Variants in FGD6 observed in about 807,000 individuals in gnomAD.
FGD6 encodes FYVE, RhoGEF and PH domain-containing protein 6.
In FGD6, 90 loss-of-function variants were observed where a neutral mutation model predicts 149.4. The observed-to-expected ratio is 0.60, with a 90% CI of 0.51 to 0.72. The LOEUF is 0.72. Among genes scored for constraint, FGD6 ranks in the 30% least tolerant of loss-of-function variants. The pLI is 0.00. For missense variants in FGD6, 1,437 were observed against 1,684.8 expected (o/e 0.85, Z 2.57); for synonymous variants, 527 against 584.0 (o/e 0.90, Z 1.41).
At chr12:95,193,631 C>CGATT in intron 2 of FGD6, among the ~76,000 whole-genome samples, 1 of 151,248 alleles carries the variant, frequency 6.6e-6, no homozygotes, top group South Asian at 2.1e-4. Context: ...TGGGTTCAAG[C>CGATT]GATTCTCTTG....
intron 2 of FGD6, among the ~76,000 whole-genome samples, chr12:95,192,006 G>A (rs763549969): frequency 5.6e-4 from 85 of 152,220 alleles, no homozygotes; most frequent in South Asian, 1.0e-3. Flanking sequence ...AGGATTACAG[G>A]CATGAGCCAC....
chr12:95,150,672 G>A (rs182589146), intron 5 of FGD6, among the ~76,000 whole-genome samples: 27 of 151,906 alleles, frequency 1.8e-4, no homozygotes, highest in African/African-American at 6.5e-4. Context: ...GTGCAGTGGT[G>A]CAATCAGCTC....
At chr12:95,160,961 C>G (rs902889875) in intron 3 of FGD6, among the ~76,000 whole-genome samples, 1 of 152,090 alleles carries the variant, frequency 6.6e-6, no homozygotes, top group Non-Finnish European at 1.5e-5. Flanking sequence ...AGCCGGATCA[C>G]TTGAGGTCAG....
intron 18 of FGD6, among the ~76,000 whole-genome samples, chr12:95,089,108 A>G (rs1877968535): frequency 6.6e-6 from 1 of 152,220 alleles, no homozygotes; most frequent in African/African-American, 2.4e-5. Flanking sequence ...CATACAGGCT[A>G]TTATCACTAT....
chr12:95,086,006 T>C lies in FGD6; in HGVS notation c.3979-98A>G, dbSNP rs891065624. ...TAGGTGCTGAAAGCAATAACTGTAA[T>C]GATAGAATGTTTCAGAATGAAATAT... On this transcript the variant is annotated intron_variant, in intron 18 of 20. Coordinates refer to ENST00000343958, the MANE Select transcript of FGD6 (RefSeq NM_018351.4). The C allele has an allele frequency of 3.4e-6, 4 of 1,161,284 alleles. No homozygotes were observed. The African/African-American group carries it at 6.2e-5, about 18-fold the overall frequency. 71.9% of individuals were successfully genotyped at this position (1,161,284 alleles called of 1,614,324 possible).
At chr12:95,206,772 G>A (rs1592877479) in intron 2 of FGD6, among the ~76,000 whole-genome samples, 1 of 152,080 alleles carries the variant, frequency 6.6e-6, no homozygotes. Context: ...TAATATTCAG[G>A]AAGCAGAAAT....
intron 3 of FGD6, among the ~76,000 whole-genome samples, chr12:95,161,739 C>G (rs1274795166): frequency 2.6e-5 from 4 of 152,058 alleles, no homozygotes; most frequent in African/African-American, 9.7e-5. Flanking sequence ...ATGTCAGTAC[C>G]ATCTTTACAC....
intron 2 of FGD6, among the ~76,000 whole-genome samples, chr12:95,200,463 G>A (rs907126107): frequency 5.3e-5 from 8 of 152,192 alleles, no homozygotes; most frequent in South Asian, 2.1e-4. Context: ...CTAATCCATC[G>A]CATTTCCATC....
chr12:95,143,265 A>G (rs1180616793), intron 5 of FGD6, among the ~76,000 whole-genome samples: 1 of 148,106 alleles, frequency 6.8e-6, no homozygotes, highest in Non-Finnish European at 1.5e-5. Flanking sequence ...TAACATACAT[A>G]TATTAACCAT....
At chr12:95,115,678 G>C (rs1878985307) in intron 8 of FGD6, among the ~76,000 whole-genome samples, 1 of 152,202 alleles carries the variant, frequency 6.6e-6, no homozygotes, top group African/African-American at 2.4e-5. Flanking sequence ...ATCTTTATCA[G>C]ACCCAACTGC....
intron 2 of FGD6, among the ~76,000 whole-genome samples, chr12:95,195,672 G>C (rs1221362596): frequency 7.9e-6 from 1 of 126,656 alleles, no homozygotes; most frequent in African/African-American, 3.0e-5. Flanking sequence ...CAGTTTGAAA[G>C]GGCCGGGCAT....
chr12:95,194,027 G>A (rs1253560305), intron 2 of FGD6, among the ~76,000 whole-genome samples: 2 of 151,964 alleles, frequency 1.3e-5, no homozygotes, highest in African/African-American at 4.8e-5. Context: ...TTGACCTCCT[G>A]GGCTCCAGTG....
In FGD6 at chr12:95,208,964, C is replaced by T; in HGVS notation, c.2320G>A (p.Glu774Lys). ...PFIMAIRKTQ[E>K]LEWQNSSSME... Reference sequence around the variant, plus strand: ...CTGCTGGAATTCTGCCATTCCAACTCTTGAGTTTTCCGTATAGCCATAATA... The same window carrying T: ...CTGCTGGAATTCTGCCATTCCAACTTTTGAGTTTTCCGTATAGCCATAATA... Residue 774 changes from glutamate to lysine, a missense_variant, in exon 2 of 21, where the codon GAG becomes AAG. By Grantham distance (56) the Glu-to-Lys change is moderately conservative (BLOSUM62 1). This residue lies in a region of FGD6 where 1,055 missense variants were observed against 1,146.0 expected (regional missense o/e 0.92). Transcript: ENST00000343958. The T allele has an allele frequency of 6.2e-7, 1 of 1,614,142 alleles. No homozygotes were observed. Among genetic ancestry groups the T allele is most frequent in the South Asian group, 1.1e-5 (1 of 91,080 alleles).
chr12:95,158,520 G>T (rs1002300938), intron 3 of FGD6, among the ~76,000 whole-genome samples: 1 of 151,908 alleles, frequency 6.6e-6, no homozygotes, highest in Non-Finnish European at 1.5e-5. Flanking sequence ...CTTAAGCACA[G>T]TCTGACCTTG....
At chr12:95,105,114 G>A (rs200562234) in intron 13 of FGD6, 28 bp from the exon 14 acceptor site, 51 of 1,577,392 alleles carry the variant, frequency 3.2e-5, no homozygotes, top group Admixed American at 5.8e-5. Context: ...AATTTGAGCC[G>A]ACTCATCCTA....
At chr12:95,121,861 G>T (rs1489121320) in intron 8 of FGD6, among the ~76,000 whole-genome samples, 1 of 151,804 alleles carries the variant, frequency 6.6e-6, no homozygotes, top group Non-Finnish European at 1.5e-5. Context: ...GTACCATGTC[G>T]GCCAGGCTGG....
chr12:95,135,805 C>A (rs1457018984), intron 7 of FGD6, among the ~76,000 whole-genome samples: 3 of 152,132 alleles, frequency 2.0e-5, no homozygotes, highest in Admixed American at 6.5e-5. Flanking sequence ...ATCTTTCATC[C>A]AAGCATCATT....
Position 95,210,523 on chromosome 12 carries a change from T to C in FGD6, c.761A>G (p.Glu254Gly). ...QLPSDECEHF[E>G]TCQDDSEKSN... ...TTTTTCACTGTCATCCTGGCAAGTT[T>C]CAAAATGTTCACATTCATCACTAGG... Residue 254 changes from glutamate to glycine, a missense_variant, in exon 2 of 21, where the codon GAA (glutamate) becomes GGA (glycine). This residue lies in a region of FGD6 where 1,055 missense variants were observed against 1,146.0 expected (regional missense o/e 0.92). Coordinates refer to ENST00000343958, the MANE Select transcript of FGD6 (RefSeq NM_018351.4). 3.1e-6 allele frequency: 5 copies of C among 1,614,016 alleles called. No individual in the cohort carries two copies. The highest frequency in any genetic ancestry group is 4.2e-6 in the Non-Finnish European group (5 of 1,180,010).
At position 95,116,540 on chromosome 12, in the gene FGD6, C is replaced by A. The variant is rs140850429; in HGVS notation, c.3083-2839G>T. On this transcript the variant is annotated intron_variant, in intron 8 of 20. Coordinates refer to ENST00000343958, the MANE Select transcript of FGD6 (RefSeq NM_018351.4). ...CTGACCTCAGAATCACTGTGCTGAG[C>A]CTCATAAACTTCTAAGTTGCATTTT... 7.7e-4 allele frequency among the ~76,000 whole-genome samples: 117 copies of A among 152,228 alleles called. 1 individual carries two copies. The highest frequency in any genetic ancestry group is 2.7e-3 in the African/African-American group (113 of 41,530).
Sources: gnomAD v4.1 joint callset for allele counts (sites outside exome capture counted in the v4.1 genomes callset) on GRCh38, gnomAD v4.1.1 for gene constraint, gnomAD v4.1.1 regional missense constraint, MANE v1.5 for transcripts, NCBI Gene and HGNC (gene_info 2026-07-23, HGNC 2026-07-21) for gene names.